Variants in ENTREP2 observed in about 807,000 individuals in gnomAD.
The protein encoded by ENTREP2 is protein ENTREP2.
chr15:29,479,521 T>A, the ENTREP2 span, among the ~76,000 whole-genome samples: 2 of 152,084 alleles, frequency 1.3e-5, no homozygotes, highest in African/African-American at 4.8e-5. Context: ...CGGAACCAGC[T>A]GGACAGCACA....
chr15:29,144,515 GC>G, the ENTREP2 span, among the ~76,000 whole-genome samples: 37 of 152,254 alleles, frequency 2.4e-4, no homozygotes, highest in African/African-American at 8.2e-4. Context: ...GGTCACTTGA[GC>G]CTACGAGTTC....
the ENTREP2 span, among the ~76,000 whole-genome samples, chr15:29,227,613 G>T: frequency 0.019 from 2,874 of 152,184 alleles, 96 homozygotes; most frequent in African/African-American, 0.065. Flanking sequence ...GCTGTCATGA[G>T]GCTAAATCTG....
At chr15:29,391,093 T>C in the ENTREP2 span, among the ~76,000 whole-genome samples, 2 of 152,066 alleles carry the variant, frequency 1.3e-5, no homozygotes, top group Admixed American at 1.3e-4. Context: ...CAATTCTCCT[T>C]GCTTTGGGTG....
chr15:29,627,510 T>C, the ENTREP2 span, among the ~76,000 whole-genome samples: 1 of 142,380 alleles, frequency 7.0e-6, no homozygotes. Context: ...ACCACTGCAC[T>C]CCAGCCTGGT....
the ENTREP2 span, among the ~76,000 whole-genome samples, chr15:29,655,126 T>C: frequency 6.6e-6 from 1 of 152,164 alleles, no homozygotes; most frequent in Non-Finnish European, 1.5e-5. Context: ...ACTGAAAAAT[T>C]AGCACCTTTG....
the ENTREP2 span, chr15:29,613,469 C>T: frequency 2.4e-6 from 1 of 425,520 alleles, no homozygotes. Flanking sequence ...GAATGGGCAC[C>T]CTCCTCCACA....
At chr15:29,137,351 G>T in the ENTREP2 span, among the ~76,000 whole-genome samples, 1 of 152,126 alleles carries the variant, frequency 6.6e-6, no homozygotes, top group African/African-American at 2.4e-5. Flanking sequence ...AAATGAAGGC[G>T]CCAGGAGGAA....
At chr15:29,620,537 C>T in the ENTREP2 span, among the ~76,000 whole-genome samples, 1 of 152,052 alleles carries the variant, frequency 6.6e-6, no homozygotes, top group Non-Finnish European at 1.5e-5. Context: ...ACTTGGGAGG[C>T]TGAGGCAGGA....
the ENTREP2 span, among the ~76,000 whole-genome samples, chr15:29,173,660 C>T: frequency 1.3e-5 from 2 of 151,974 alleles, no homozygotes; most frequent in African/African-American, 2.4e-5. Context: ...ACCAGCACCT[C>T]GGAGGGTTGG....
chr15:29,367,585 G>T, the ENTREP2 span, among the ~76,000 whole-genome samples: 8 of 152,256 alleles, frequency 5.3e-5, no homozygotes, highest in African/African-American at 1.9e-4. Flanking sequence ...ATATATCTCT[G>T]GGAATACAGA....
chr15:29,178,029 G>A, the ENTREP2 span, among the ~76,000 whole-genome samples: 3 of 152,106 alleles, frequency 2.0e-5, no homozygotes, highest in South Asian at 2.1e-4. Context: ...AGAATGTAAC[G>A]TGCCTGTAAT....
chr15:29,674,531 G>T, the ENTREP2 span, among the ~76,000 whole-genome samples: 14 of 152,118 alleles, frequency 9.2e-5, no homozygotes, highest in Admixed American at 7.2e-4. Context: ...GCCTCCCAAA[G>T]TGCCGGGATT....
the ENTREP2 span, among the ~76,000 whole-genome samples, chr15:29,337,512 G>T: frequency 1.3e-5 from 2 of 152,264 alleles, no homozygotes; most frequent in Admixed American, 6.5e-5. Flanking sequence ...CAGTGAGATT[G>T]TATTACATTT....
chr15:29,136,443 T>C, the ENTREP2 span: 3 of 1,547,522 alleles, frequency 1.9e-6, no homozygotes, highest in Admixed American at 2.0e-5. Flanking sequence ...CCGGGGCTAT[T>C]GATGGCCACG....
chr15:29,657,452 C>G, the ENTREP2 span, among the ~76,000 whole-genome samples: 1 of 132,228 alleles, frequency 7.6e-6, no homozygotes, highest in East Asian at 2.2e-4. Flanking sequence ...AGAAGTGGAC[C>G]CCTGCGAGTT....
At chr15:29,395,146 C>T in the ENTREP2 span, among the ~76,000 whole-genome samples, 4 of 151,574 alleles carry the variant, frequency 2.6e-5, no homozygotes, top group Non-Finnish European at 4.4e-5. Flanking sequence ...CCTCGGCCTC[C>T]CAAAGTGCTG....
the ENTREP2 span, chr15:29,121,934 T>C: frequency 6.6e-6 from 1 of 152,222 alleles, no homozygotes; most frequent in African/African-American, 2.4e-5. Flanking sequence ...CATTAGGGAA[T>C]TGGGGGAGCT....
At chr15:29,288,339 T>G in the ENTREP2 span, among the ~76,000 whole-genome samples, 1 of 152,286 alleles carries the variant, frequency 6.6e-6, no homozygotes, top group Non-Finnish European at 1.5e-5. Context: ...TATGTCACAG[T>G]GGTCTCGTTT....
chr15:29,492,739 C>T, the ENTREP2 span, among the ~76,000 whole-genome samples: 1 of 152,158 alleles, frequency 6.6e-6, no homozygotes, highest in Non-Finnish European at 1.5e-5. Flanking sequence ...CACGGTGGCT[C>T]ATGCCTGTAA....
Sources: gnomAD v4.1 joint callset for allele counts (sites outside exome capture counted in the v4.1 genomes callset) on GRCh38, gnomAD v4.1.1 for gene constraint, MANE v1.5 for transcripts, NCBI Gene and HGNC (gene_info 2026-07-23, HGNC 2026-07-21) for gene names.